Variants in UNC13C observed in about 807,000 individuals in gnomAD.
UNC13C encodes protein unc-13 homolog C.
Under a neutral mutation model 245.4 loss-of-function variants are expected in UNC13C, and 174 were observed. The observed-to-expected ratio is 0.71, with a 90% CI of 0.63 to 0.80. The LOEUF (loss-of-function observed/expected upper bound fraction) is 0.80. Among genes scored for constraint, UNC13C ranks in the 30% least tolerant of loss-of-function variants. The pLI, the probability that UNC13C is intolerant of heterozygous loss-of-function variation, is 0.00. For missense variants in UNC13C, 2,829 were observed against 2,602.9 expected, an observed-to-expected ratio of 1.09 and a Z score of -1.89; for synonymous variants, 992 against 895.1, an observed-to-expected ratio of 1.11 and a Z score of -1.93.
chr15:54,055,126 T>A (rs1897451419), intron 2 of UNC13C, among the ~76,000 whole-genome samples: 1 of 152,200 alleles, frequency 6.6e-6, no homozygotes, highest in South Asian at 2.1e-4. Flanking sequence ...GGCAAATTGA[T>A]TAGATAAAAC....
intron 19 of UNC13C, among the ~76,000 whole-genome samples, chr15:54,481,869 A>T (rs1001675710): frequency 2.0e-5 from 3 of 152,178 alleles, no homozygotes; most frequent in East Asian, 3.9e-4. Flanking sequence ...CTGTGTGGGT[A>T]TAGGCAGCAG....
chr15:54,478,101 G>T (rs1308087115), intron 19 of UNC13C, among the ~76,000 whole-genome samples: 1 of 151,738 alleles, frequency 6.6e-6, no homozygotes, highest in Admixed American at 6.6e-5. Flanking sequence ...TTGCGTAGAG[G>T]TGTTTGTAGT....
At chr15:54,574,193 G>A (rs983037125) in intron 30 of UNC13C, among the ~76,000 whole-genome samples, 7 of 152,098 alleles carry the variant, frequency 4.6e-5, no homozygotes, top group African/African-American at 1.7e-4. Context: ...TAGAAATACT[G>A]TGGTAGGTTT....
At chr15:54,165,877 C>A (rs2033146497) in intron 4 of UNC13C, among the ~76,000 whole-genome samples, 1 of 151,530 alleles carries the variant, frequency 6.6e-6, no homozygotes, top group Admixed American at 6.6e-5. Flanking sequence ...CCTTTCTTGC[C>A]AATCTGAAAG....
rs140525447 is a variant in UNC13C, at chr15:54,025,507, A to G, written c.2983+9621A>G. Among the ~76,000 whole-genome samples, 983 of 152,316 alleles carry G rather than the reference A, an allele frequency of 6.5e-3. 16 individuals carry two copies. Among genetic ancestry groups the G allele is most frequent in the Non-Finnish European group, 6.8e-3 (464 of 68,016 alleles). Reference sequence around the variant, plus strand: ...ATGTGAAACAGAAATACTGTAACCTATCTAAGAGGAGGGGGAAGAAAACCC... The same window carrying G: ...ATGTGAAACAGAAATACTGTAACCTGTCTAAGAGGAGGGGGAAGAAAACCC... On this transcript the variant is annotated intron_variant, in intron 2 of 32. Coordinates refer to ENST00000260323, the MANE Select transcript of UNC13C (RefSeq NM_001080534.3).
chr15:54,179,373 A>G lies in UNC13C; in HGVS notation c.3071+35689A>G, dbSNP rs762247189. ...ACTGTAAAATTGCTATTATTAATAT[A>G]TCAAAGGGCAGAAGTATACATGCAC... On this transcript the variant is annotated intron_variant, in intron 4 of 32. Coordinates refer to ENST00000260323, the MANE Select transcript of UNC13C (RefSeq NM_001080534.3). Among the ~76,000 whole-genome samples, 152 of 152,136 alleles carry G rather than the reference A, an allele frequency of 1.0e-3. 1 individual carries two copies. Among genetic ancestry groups the G allele is most frequent in the Non-Finnish European group, 4.1e-4 (28 of 68,008 alleles).
At chr15:54,535,513 C>T (rs1012305367) in intron 26 of UNC13C, among the ~76,000 whole-genome samples, 1 of 152,094 alleles carries the variant, frequency 6.6e-6, no homozygotes, top group Non-Finnish European at 1.5e-5. Flanking sequence ...CAGACATCTA[C>T]AGGATACTCA....
intron 2 of UNC13C, among the ~76,000 whole-genome samples, chr15:54,139,030 A>G (rs7181648): frequency 0.98 from 141,795 of 144,570 alleles, 69,595 homozygotes; most frequent in Middle Eastern, 1. Context: ...TGCGATCTCG[A>G]CTCACTGCAA....
At chr15:54,269,729 C>T (rs1181038152) in intron 10 of UNC13C, among the ~76,000 whole-genome samples, 1 of 152,092 alleles carries the variant, frequency 6.6e-6, no homozygotes, top group Non-Finnish European at 1.5e-5. Flanking sequence ...CCGGAATGGA[C>T]CATTAAACTA....
intron 18 of UNC13C, among the ~76,000 whole-genome samples, chr15:54,396,546 C>T (rs2040073793): frequency 1.3e-5 from 2 of 151,466 alleles, no homozygotes; most frequent in Non-Finnish European, 3.0e-5. Context: ...TGTACTTTTT[C>T]AAGATTAGGT....
At chr15:53,961,830 A>C in the UNC13C span, among the ~76,000 whole-genome samples, 1 of 152,198 alleles carries the variant, frequency 6.6e-6, no homozygotes, top group Admixed American at 6.5e-5. Context: ...CTGCATTGTA[A>C]ATGGCACATC....
chr15:54,061,589 A>G (rs952664711), intron 2 of UNC13C, among the ~76,000 whole-genome samples: 4 of 152,172 alleles, frequency 2.6e-5, no homozygotes, highest in Non-Finnish European at 5.9e-5. Context: ...TGTCAGCATA[A>G]TGGTACAGCA....
At chr15:54,216,410 A>G (rs2035040210) in intron 4 of UNC13C, among the ~76,000 whole-genome samples, 1 of 151,972 alleles carries the variant, frequency 6.6e-6, no homozygotes, top group African/African-American at 2.4e-5. Context: ...GGAAACAGCT[A>G]AAAAATGTCA....
At chr15:54,450,712 C>T (rs1044996132) in intron 19 of UNC13C, among the ~76,000 whole-genome samples, 18 of 152,320 alleles carry the variant, frequency 1.2e-4, no homozygotes, top group East Asian at 5.8e-4. Flanking sequence ...TGACCCCTTG[C>T]GCTTCCCGGT....
the UNC13C span, among the ~76,000 whole-genome samples, chr15:53,928,142 G>A: frequency 1.3e-5 from 2 of 152,276 alleles, no homozygotes; most frequent in Admixed American, 1.3e-4. Context: ...ATAGAGGTGT[G>A]AAGTGGGAAA....
At chr15:54,381,653 T>G (rs2039727290) in intron 17 of UNC13C, among the ~76,000 whole-genome samples, 1 of 152,180 alleles carries the variant, frequency 6.6e-6, no homozygotes, top group Non-Finnish European at 1.5e-5. Flanking sequence ...GATTTTAATT[T>G]AGATGTCTTT....
chr15:54,441,876 A>G (rs1890545447), intron 19 of UNC13C, among the ~76,000 whole-genome samples: 1 of 151,902 alleles, frequency 6.6e-6, no homozygotes, highest in South Asian at 2.1e-4. Context: ...AGTGTTTTGT[A>G]GTTTTCATTG....
intron 2 of UNC13C, chr15:54,044,356 C>T: frequency 4.0e-6 from 1 of 249,618 alleles, no homozygotes; most frequent in South Asian, 3.9e-5. Flanking sequence ...GCTATTTCCA[C>T]TTTTTGGCTA....
the UNC13C span, among the ~76,000 whole-genome samples, chr15:53,934,984 C>T: frequency 3.3e-5 from 5 of 152,244 alleles, no homozygotes; most frequent in South Asian, 2.1e-4. Context: ...AAGATTCATT[C>T]CCTAGCAGTA....
Sources: gnomAD v4.1 joint callset for allele counts (sites outside exome capture counted in the v4.1 genomes callset) on GRCh38, gnomAD v4.1.1 for gene constraint, MANE v1.5 for transcripts, NCBI Gene and HGNC (gene_info 2026-07-23, HGNC 2026-07-21) for gene names.